The following FSIP1 variants were observed in gnomAD, a reference collection of about 807,000 sequenced individuals.
FSIP1 encodes the protein fibrous sheath interacting protein 1, also known as fibrous sheath-interacting protein 1.
A neutral mutation model predicts 60.9 loss-of-function variants in FSIP1; 65 were observed. The ratio of observed to expected loss-of-function variants is 1.07; its 90% CI spans 0.87 to 1.31. The LOEUF (loss-of-function observed/expected upper bound fraction) is 1.31. Ranked by LOEUF, FSIP1 falls within the 40% of genes most tolerant of loss-of-function variation. The probability of loss-of-function intolerance (pLI) is 0.00; values close to 1 mark genes in which losing one functional copy is unlikely to be tolerated. For missense variants in FSIP1, 675 were observed against 665.5 expected (o/e 1.01, Z -0.16); for synonymous variants, 209 against 221.2 (o/e 0.94, Z 0.49).
intron 10 of FSIP1, among the ~76,000 whole-genome samples, chr15:39,668,829 T>C (rs1407075330): frequency 6.6e-6 from 1 of 152,172 alleles, no homozygotes; most frequent in Admixed American, 6.5e-5. Context: ...CATTTAAAAA[T>C]AATAAATACG....
At chr15:39,660,534 G>A (rs963700622) in intron 10 of FSIP1, among the ~76,000 whole-genome samples, 7 of 152,054 alleles carry the variant, frequency 4.6e-5, no homozygotes, top group African/African-American at 1.7e-4. Flanking sequence ...GTAACTTTTG[G>A]CAGATTTCAG....
chr15:39,656,460 C>T (rs1205452000), intron 10 of FSIP1, among the ~76,000 whole-genome samples: 1 of 152,172 alleles, frequency 6.6e-6, no homozygotes, highest in Non-Finnish European at 1.5e-5. Context: ...TTCCAACCTC[C>T]TTCCTCTAAA....
chr15:39,669,388 C>A (rs1044235905), intron 10 of FSIP1, among the ~76,000 whole-genome samples: 5 of 152,192 alleles, frequency 3.3e-5, no homozygotes, highest in Admixed American at 3.3e-4. Context: ...TCCTGTACCC[C>A]AAATTCTATC....
chr15:39,726,872 CAACACACACAA>C, intron 8 of FSIP1, 125 bp from the exon 9 acceptor site: 1 of 606,850 alleles, frequency 1.6e-6, no homozygotes, highest in Non-Finnish European at 2.8e-6. Flanking sequence ...CACACACACA[CAACACACACAA>C]ACAGAATTAA....
At chr15:39,652,673 T>C (rs1406834616) in intron 10 of FSIP1, among the ~76,000 whole-genome samples, 3 of 152,178 alleles carry the variant, frequency 2.0e-5, no homozygotes, top group Non-Finnish European at 4.4e-5. Context: ...TCTCAAACAC[T>C]TTTTTCTAAG....
intron 10 of FSIP1, among the ~76,000 whole-genome samples, chr15:39,621,536 G>A (rs1026311221): frequency 6.6e-6 from 1 of 152,030 alleles, no homozygotes; most frequent in African/African-American, 2.4e-5. Flanking sequence ...TGTAAAATGA[G>A]GAACTTTAGA....
At chr15:39,747,475 T>C (rs1024136950) in intron 5 of FSIP1, 1 of 152,174 alleles carries the variant, frequency 6.6e-6, no homozygotes, top group African/African-American at 2.4e-5. Flanking sequence ...TTCCTTTATA[T>C]AGCAACTTCT....
chr15:39,674,184 A>T (rs1360405297), intron 10 of FSIP1, among the ~76,000 whole-genome samples: 1 of 151,746 alleles, frequency 6.6e-6, no homozygotes, highest in Non-Finnish European at 1.5e-5. Flanking sequence ...CCTACCAAGT[A>T]GCTGGGACTA....
chr15:39,655,575 G>T (rs1172834822), intron 10 of FSIP1, among the ~76,000 whole-genome samples: 2 of 152,180 alleles, frequency 1.3e-5, no homozygotes, highest in African/African-American at 4.8e-5. Flanking sequence ...TAACGACTGA[G>T]GCTCTGAAAA....
intron 1 of FSIP1, among the ~76,000 whole-genome samples, chr15:39,777,256 T>C (rs1402064342): frequency 6.6e-6 from 1 of 152,132 alleles, no homozygotes. Flanking sequence ...CCACTCTAGT[T>C]CAGCCTTCTT....
intron 3 of FSIP1, among the ~76,000 whole-genome samples, chr15:39,769,641 A>C (rs993868157): frequency 6.6e-6 from 1 of 152,166 alleles, no homozygotes; most frequent in Non-Finnish European, 1.5e-5. Flanking sequence ...TCCCCACAGG[A>C]TGTTAAGAAG....
chr15:39,778,613 A>G (rs752021006), intron 1 of FSIP1, among the ~76,000 whole-genome samples: 2 of 152,240 alleles, frequency 1.3e-5, no homozygotes, highest in African/African-American at 4.8e-5. Flanking sequence ...GCATTGTACA[A>G]GAAAAAAGCA....
intron 10 of FSIP1, among the ~76,000 whole-genome samples, chr15:39,682,315 A>G (rs1488461261): frequency 1.3e-5 from 2 of 152,218 alleles, no homozygotes; most frequent in African/African-American, 4.8e-5. Flanking sequence ...ATTAGAAGAA[A>G]TGTGGCCTGC....
chr15:39,718,084 T>G (rs1034500535), intron 9 of FSIP1, among the ~76,000 whole-genome samples: 1 of 152,058 alleles, frequency 6.6e-6, no homozygotes, highest in Non-Finnish European at 1.5e-5. Context: ...GTGGCTAGTC[T>G]CTCGGTGTCC....
At chr15:39,713,693 T>G (rs1168093855) in intron 9 of FSIP1, 112 bp from the exon 10 acceptor site, 5 of 969,516 alleles carry the variant, frequency 5.2e-6, no homozygotes, top group Non-Finnish European at 7.6e-6. Flanking sequence ...AACAATTATT[T>G]CTTCCCTTCA....
chr15:39,651,436 A>G (rs1429053981), intron 10 of FSIP1, among the ~76,000 whole-genome samples: 1 of 152,244 alleles, frequency 6.6e-6, no homozygotes, highest in Non-Finnish European at 1.5e-5. Context: ...ATAGATAAAT[A>G]TGACATCTGG....
chr15:39,667,931 C>A (rs7174291), intron 10 of FSIP1, among the ~76,000 whole-genome samples: 3,131 of 152,168 alleles, frequency 0.021, 112 homozygotes, highest in African/African-American at 0.071. Flanking sequence ...GGTGCTAGGC[C>A]ACAGTTCATG....
At position 39,600,623 on chromosome 15, in the gene FSIP1, G is replaced by T. The variant is rs925123882; in HGVS notation, c.*257C>A. 1.1e-5 allele frequency: 4 copies of T among 369,410 alleles called. No homozygotes were observed. Among genetic ancestry groups the T allele is most frequent in the South Asian group, 5.3e-5 (1 of 19,016 alleles). 22.9% of individuals were successfully genotyped at this position (369,410 alleles called of 1,614,324 possible). On this transcript the variant is annotated 3_prime_UTR_variant, in exon 12 of 12. Transcript: ENST00000350221. Reference sequence around the variant, plus strand: ...ACATTAAAATGTTGGTTTTTATAATGAATCCTAATACTGTAAGATTAGCAA... The same window carrying T: ...ACATTAAAATGTTGGTTTTTATAATTAATCCTAATACTGTAAGATTAGCAA...
chr15:39,608,463 A>C (rs1890906825), intron 11 of FSIP1, among the ~76,000 whole-genome samples: 1 of 152,246 alleles, frequency 6.6e-6, no homozygotes, highest in South Asian at 2.1e-4. Flanking sequence ...ATGAGATCCC[A>C]TACACAAGAA....
Sources: allele counts gnomAD v4.1 joint callset (sites outside exome capture counted in the v4.1 genomes callset), GRCh38; gene constraint gnomAD v4.1.1; transcripts MANE v1.5; gene names NCBI Gene and HGNC (gene_info 2026-07-23, HGNC 2026-07-21).